KIAA1549: variants seen among roughly 807,000 people sequenced by gnomAD.
KIAA1549 encodes the protein KIAA1549, also known as UPF0606 protein KIAA1549.
KIAA1549 carries 70 observed loss-of-function variants against 156.4 expected under a neutral mutation model. That is an observed-to-expected ratio of 0.45 (90% confidence interval 0.37 to 0.55). The LOEUF (loss-of-function observed/expected upper bound fraction) is 0.55. Ranked by LOEUF, KIAA1549 falls within the 20% of genes least tolerant of loss-of-function variation. KIAA1549 has a pLI of 0.00. For synonymous variants in KIAA1549, 1,103 were observed against 1,066.4 expected, an observed-to-expected ratio of 1.03 and a Z score of -0.67; for missense variants, 2,428 against 2,540.9, an observed-to-expected ratio of 0.96 and a Z score of 0.96.
At chr7:138,927,009 A>G (rs1322291932) in intron 1 of KIAA1549, among the ~76,000 whole-genome samples, 1 of 152,200 alleles carries the variant, frequency 6.6e-6, no homozygotes, top group Non-Finnish European at 1.5e-5. Context: ...GACTACATGT[A>G]TGTAGCCCTA....
rs775699406 is a variant in KIAA1549 at position 138,881,580 on chromosome 7, T to C, written c.4037A>G (p.Gln1346Arg). ...ATCGAAGCCCTTCACACTAGGGATC[T>C]GCAGCTGAAACATACACACACACAA... The part of the protein sequence containing the change: ...VANIQQRQKL[Q>R]IPSVKGFDFA... The change falls in exon 11 of 20, where the codon CAG becomes CGG. Residue 1346 changes from glutamine (Q) to arginine (R), a missense_variant. Physicochemically the swap from Gln to Arg is conservative, Grantham distance 43. Transcript: ENST00000422774. The C allele has an allele frequency of 6.2e-7, 1 of 1,611,300 alleles. No individual in the cohort carries two copies. Among genetic ancestry groups the C allele is most frequent in the East Asian group, 2.2e-5 (1 of 44,854 alleles).
In KIAA1549 at chr7:138,918,193, G is replaced by A; in HGVS notation, c.1433C>T (p.Pro478Leu). 6.2e-7 allele frequency: 1 copy of A among 1,614,008 alleles called. No homozygotes were observed. Residue 478 changes from proline (P) to leucine (L), a missense_variant, in exon 2 of 20, where the codon CCT (proline) becomes CTT (leucine). Physicochemically the swap from Pro to Leu is moderately conservative, Grantham distance 98. Around this residue, in one of 5 missense-constraint regions of KIAA1549, gnomAD observed 893 missense variants for 847.9 expected, o/e 1.05. Coordinates refer to ENST00000422774, the MANE Select transcript of KIAA1549 (RefSeq NM_001164665.2). The surrounding 1 kb of genome is among the most constrained non-coding windows in gnomAD (Gnocchi z 4.2). ...GGGGAAAAGCGTATTAAATACTTGA[G>A]GATCTTCCTCAAATTCAGAGAAGTC... ...VADFSEFEED[P>L]QVFNTLFPSR...
chr7:138,918,265 G>C lies in KIAA1549; in HGVS notation c.1361C>G (p.Thr454Ser). 1 of 1,613,988 alleles carries C rather than the reference G, an allele frequency of 6.2e-7. No homozygotes were observed. Among genetic ancestry groups the C allele is most frequent in the Admixed American group, 1.7e-5 (1 of 60,028 alleles). ...AGAGATGCTGCTTTCTTCCAGCACG[G>C]TCATGCACAGAGTCTCGGCACCATC... ...SGDGAETLCM[T>S]VLEESSISLM... Residue 454 changes from threonine to serine, a missense_variant, in exon 2 of 20, where the codon ACC becomes AGC. By Grantham distance (58) the Thr-to-Ser change is moderately conservative. Transcript: ENST00000422774. The surrounding 1 kb of genome is among the most constrained non-coding windows in gnomAD (Gnocchi z 4.2).
At position 138,835,131 on chromosome 7, in the gene KIAA1549, C is replaced by T. The variant is rs561677583; in HGVS notation, c.*2775G>A. ...GGACTCCAAAGCCACACGCTGTCAA[C>T]GCAAGGACCCTTCCTTTCAGTGGAT... On this transcript the variant is annotated 3_prime_UTR_variant, in exon 20 of 20. Transcript: ENST00000422774. 65 of 222,982 alleles carry T rather than the reference C, an allele frequency of 2.9e-4. 1 individual carries two copies. In the Middle Eastern group the frequency reaches 6.9e-3, roughly 24 times the overall value. 13.8% of individuals were successfully genotyped at this position (222,982 alleles called of 1,614,324 possible). A position where few individuals can be genotyped will look rare whatever the true frequency, so the allele number is the denominator to read the frequency against.
intron 1 of KIAA1549, among the ~76,000 whole-genome samples, chr7:138,948,352 G>A (rs1490579920): frequency 1.3e-5 from 2 of 152,086 alleles, no homozygotes; most frequent in East Asian, 1.9e-4. Context: ...GGGGTGAAGC[G>A]GCTACAGGCC....
chr7:138,896,450 G>C (rs560756249), intron 9 of KIAA1549, among the ~76,000 whole-genome samples: 1 of 152,328 alleles, frequency 6.6e-6, no homozygotes, highest in East Asian at 1.9e-4. Context: ...TGAAAAACTT[G>C]TGTTTTTTAA....
At chr7:138,901,176 A>G (rs1811830158) in intron 8 of KIAA1549, among the ~76,000 whole-genome samples, 1 of 152,196 alleles carries the variant, frequency 6.6e-6, no homozygotes, top group Non-Finnish European at 1.5e-5. Context: ...AAAAATATAT[A>G]TAAAGAAAAT....
In KIAA1549 at chr7:138,912,393, G is replaced by T; in HGVS notation, c.2946C>A (p.Phe982Leu). 1 of 1,613,766 alleles carries T rather than the reference G, an allele frequency of 6.2e-7. No homozygotes were observed. Among genetic ancestry groups the T allele is most frequent in the Non-Finnish European group, 8.5e-7 (1 of 1,179,702 alleles). ...TAIKEVLRIH[F>L]NRAVELKVYE... ...TCACCTTCAGTTCCACTGCACGGTTGAAGTGAATCCTCAGTACTTCTTTGA... is the reference window on the plus strand; with the variant it reads ...TCACCTTCAGTTCCACTGCACGGTTTAAGTGAATCCTCAGTACTTCTTTGA... The change falls in exon 3 of 20, where the codon TTC (phenylalanine) becomes TTA (leucine). Residue 982 changes from phenylalanine (F) to leucine (L), a missense_variant. By Grantham distance (22) the Phe-to-Leu change is conservative. This residue lies in a region of KIAA1549 where 762 missense variants were observed against 901.6 expected (regional missense o/e 0.85). Coordinates refer to ENST00000422774, the MANE Select transcript of KIAA1549 (RefSeq NM_001164665.2).
At chr7:138,862,172 C>G (rs530517715) in intron 15 of KIAA1549, among the ~76,000 whole-genome samples, 1 of 151,964 alleles carries the variant, frequency 6.6e-6, no homozygotes, top group African/African-American at 2.4e-5. Flanking sequence ...CTTAAAAGAT[C>G]AAAACTTTTA....
At chr7:138,845,038 CT>C (rs1008307237) in intron 17 of KIAA1549, among the ~76,000 whole-genome samples, 2 of 152,054 alleles carry the variant, frequency 1.3e-5, no homozygotes, top group Admixed American at 6.6e-5. Flanking sequence ...GGATCGCAAA[CT>C]TTTTTTTATC....
chr7:138,865,926 T>G (rs973801945), intron 15 of KIAA1549, among the ~76,000 whole-genome samples: 14 of 152,158 alleles, frequency 9.2e-5, no homozygotes, highest in African/African-American at 3.4e-4. Flanking sequence ...CAAGAAGGGA[T>G]GCTGCCCCTT....
intron 1 of KIAA1549, among the ~76,000 whole-genome samples, chr7:138,943,933 A>ATT (rs566032611): frequency 7.0e-6 from 1 of 143,596 alleles, no homozygotes; most frequent in Admixed American, 7.0e-5. Flanking sequence ...CTCTCTTAGC[A>ATT]TTTTTTTTTT....
intron 1 of KIAA1549, among the ~76,000 whole-genome samples, chr7:138,947,513 C>T (rs1207720767): frequency 1.3e-5 from 2 of 152,296 alleles, no homozygotes; most frequent in Middle Eastern, 3.4e-3. Flanking sequence ...CCCAAGCACA[C>T]CTCCACTATA....
At chr7:138,930,862 T>C (rs1210310933) in intron 1 of KIAA1549, among the ~76,000 whole-genome samples, 2 of 152,278 alleles carry the variant, frequency 1.3e-5, no homozygotes, top group Non-Finnish European at 2.9e-5. Context: ...AATCTATTTG[T>C]TGCAAGAGGT....
Position 138,879,711 on chromosome 7 carries a change from G to GTCCCATTA in KIAA1549, c.4230-66_4230-59dup, listed in dbSNP as rs533244504. ...AACAAGAAAGAATGAAAAGGAAAAA[G>GTCCCATTA]TCCCATTAATTTGTGTGTGGAAGTC... On this transcript the variant is annotated intron_variant, in intron 11 of 19. Coordinates refer to ENST00000422774, the MANE Select transcript of KIAA1549 (RefSeq NM_001164665.2). 255 of 1,154,610 alleles carry GTCCCATTA rather than the reference G, an allele frequency of 2.2e-4. 1 individual carries two copies. In the African/African-American group the frequency reaches 3.3e-3, roughly 15 times the overall value. The allele number at this position is 1,154,610 out of a possible 1,614,324, so 71.5% of individuals were successfully genotyped here. A position where few individuals can be genotyped will look rare whatever the true frequency, so the allele number is the denominator to read the frequency against.
chr7:138,955,106 T>C (rs1813623138), intron 1 of KIAA1549, among the ~76,000 whole-genome samples: 1 of 152,178 alleles, frequency 6.6e-6, no homozygotes, highest in Non-Finnish European at 1.5e-5. Context: ...GAGACACCAC[T>C]AGATTTCGAG....
intron 1 of KIAA1549, among the ~76,000 whole-genome samples, chr7:138,923,501 G>A (rs966677693): frequency 6.6e-6 from 1 of 152,128 alleles, no homozygotes; most frequent in Non-Finnish European, 1.5e-5. Flanking sequence ...TCCAGAGGCT[G>A]AGGCAGGAGA....
At chr7:138,934,092 T>C (rs1042214736) in intron 1 of KIAA1549, among the ~76,000 whole-genome samples, 9 of 152,182 alleles carry the variant, frequency 5.9e-5, no homozygotes, top group Admixed American at 2.0e-4. Context: ...TTGGAACCTA[T>C]AATTGGAACC....
In KIAA1549 at chr7:138,909,102, C is replaced by T. The variant is rs778577778; in HGVS notation, c.3165G>A (p.Pro1055=). The T allele has an allele frequency of 2.5e-6, 4 of 1,613,560 alleles. No homozygotes were observed. Among genetic ancestry groups the T allele is most frequent in the Non-Finnish European group, 3.4e-6 (4 of 1,179,668 alleles). Residue 1055 remains proline, a synonymous_variant, in exon 5 of 20, where the codon CCG becomes CCA. Transcript: ENST00000422774. ...QVQTVLQFVP[P]SVDTGFCNFT... ...AGTTGCAGAAGCCAGTATCCACACT[C>T]GGAGGCACAAACTGAAGTACTGAAA...
Sources: allele counts gnomAD v4.1 joint callset (sites outside exome capture counted in the v4.1 genomes callset), GRCh38; gene constraint gnomAD v4.1.1; regional missense constraint gnomAD v4.1.1; non-coding constraint Gnocchi (gnomAD v3.1); transcripts MANE v1.5; gene names NCBI Gene and HGNC (gene_info 2026-07-23, HGNC 2026-07-21).